The following NOX4 variants were observed in gnomAD, a reference collection of about 807,000 sequenced individuals.
NOX4 encodes kidney oxidase-1.
A neutral mutation model predicts 87.6 loss-of-function variants in NOX4; 69 were observed. The observed-to-expected ratio is 0.79, with a 90% CI of 0.65 to 0.96. The LOEUF is 0.96. Among genes scored for constraint, NOX4 ranks in the 40% least tolerant of loss-of-function variants. The pLI is 0.00. For missense variants in NOX4, 680 were observed against 681.5 expected (o/e 1.00, Z 0.02); for synonymous variants, 275 against 238.2 (o/e 1.15, Z -1.42).
rs753538616 is a variant in NOX4 at position 89,402,411 on chromosome 11, C to G, written c.761G>C (p.Gly254Ala). The change falls in exon 9 of 18, where the codon GGA (glycine) becomes GCA (alanine). Residue 254 changes from glycine to alanine, a missense_variant. Gly to Ala is a moderately conservative substitution (Grantham distance 60). Transcript: ENST00000263317. ...GGTAAACTCTGCCGGTTTTGAAAAT[C>G]CTTCAGGGAAAGGTTCATGAAAATG... ...SEHFHEPFPEGFSKPAEFTQH... is the reference protein window; with the variant it reads ...SEHFHEPFPEAFSKPAEFTQH... 1 of 1,613,082 alleles carries G rather than the reference C, an allele frequency of 6.2e-7. No homozygotes were observed. The highest frequency in any genetic ancestry group is 1.7e-5 in the Admixed American group (1 of 59,870).
At chr11:89,494,121 TG>T (rs1447701905), upstream of NOX4, among the ~76,000 whole-genome samples, 1 of 152,118 alleles carries the variant, frequency 6.6e-6, no homozygotes, top group African/African-American at 2.4e-5. Context: ...TTGAAAGTAA[TG>T]GGGAGAGAGT....
rs189125225 is a variant in NOX4 at position 89,383,644 on chromosome 11, G to A, written c.1075-10152C>T. On this transcript the variant is annotated intron_variant, in intron 11 of 17. Coordinates refer to ENST00000263317, the MANE Select transcript of NOX4 (RefSeq NM_016931.5). The stretch of plus-strand genomic sequence containing the variant: ...TTGTGGGTATTGACAGCCAGGCTTC[G>A]AAACCTCTTAAAACTCCCCAACTCT... Among the ~76,000 whole-genome samples, 97 of 152,186 alleles carry A rather than the reference G, an allele frequency of 6.4e-4. 1 individual carries two copies. Among genetic ancestry groups the A allele is most frequent in the Middle Eastern group, 3.4e-3 (1 of 294 alleles).
intron 12 of NOX4, among the ~76,000 whole-genome samples, chr11:89,369,238 T>A (rs1294777677): frequency 6.6e-6 from 1 of 151,882 alleles, no homozygotes; most frequent in Non-Finnish European, 1.5e-5. Flanking sequence ...GAAGCCAAAT[T>A]GAGGATGGTG....
chr11:89,505,652 T>C, the NOX4 span, among the ~76,000 whole-genome samples: 1 of 151,754 alleles, frequency 6.6e-6, no homozygotes, highest in South Asian at 2.1e-4. Context: ...TCTTGTGGTA[T>C]TTGATGGGAG....
chr11:89,512,423 A>C, the NOX4 span, among the ~76,000 whole-genome samples: 1 of 151,764 alleles, frequency 6.6e-6, no homozygotes, highest in Admixed American at 6.6e-5. Context: ...CCAACTCCCC[A>C]TTTCCCCTCC....
chr11:89,402,682 T>C (rs1439701338), intron 8 of NOX4, 140 bp from the exon 9 acceptor site: 45 of 698,618 alleles, frequency 6.4e-5, no homozygotes, highest in Non-Finnish European at 1.1e-4. Context: ...GTTCCTTATG[T>C]ATTATGTTTA....
intron 3 of NOX4, among the ~76,000 whole-genome samples, chr11:89,450,942 T>G (rs933613947): frequency 6.6e-6 from 1 of 151,072 alleles, no homozygotes; most frequent in Non-Finnish European, 1.5e-5. Context: ...AAACCATCAT[T>G]CTTAGCAAAC....
At chr11:89,582,239 G>T in the NOX4 span, among the ~76,000 whole-genome samples, 7 of 151,904 alleles carry the variant, frequency 4.6e-5, no homozygotes, top group African/African-American at 1.7e-4. Flanking sequence ...ATATATACAT[G>T]TAAACACACA....
intron 11 of NOX4, among the ~76,000 whole-genome samples, chr11:89,388,478 T>C (rs1940878279): frequency 6.6e-6 from 1 of 152,190 alleles, no homozygotes; most frequent in Admixed American, 6.5e-5. Context: ...TAAGCTATCA[T>C]TTCATCTGCA....
chr11:89,489,654 G>T (rs1341602038), intron 2 of NOX4, among the ~76,000 whole-genome samples: 1 of 149,908 alleles, frequency 6.7e-6, no homozygotes, highest in Non-Finnish European at 1.5e-5. Flanking sequence ...CTTGAACCAG[G>T]CAATCAGAGG....
chr11:89,434,379 C>A (rs1468000638), intron 6 of NOX4, among the ~76,000 whole-genome samples: 1 of 152,042 alleles, frequency 6.6e-6, no homozygotes, highest in Non-Finnish European at 1.5e-5. Flanking sequence ...AGGTGCCCTT[C>A]CCTAATGTAC....
intron 10 of NOX4, 60 bp from the exon 11 acceptor site, chr11:89,400,139 T>C: frequency 1.0e-5 from 16 of 1,570,678 alleles, no homozygotes; most frequent in Non-Finnish European, 1.2e-5. Flanking sequence ...ACTATTTCAA[T>C]GATGCTATGT....
intron 5 of NOX4, chr11:89,443,904 T>C (rs75552336): frequency 2.2e-6 from 1 of 461,180 alleles, no homozygotes. Flanking sequence ...CATCTGAACA[T>C]TGCAATATAA....
chr11:89,484,727 AG>A (rs1838884597), intron 2 of NOX4, among the ~76,000 whole-genome samples: 1 of 152,204 alleles, frequency 6.6e-6, no homozygotes, highest in African/African-American at 2.4e-5. Context: ...AAATAGATAA[AG>A]AATATAATTT....
At chr11:89,533,776 C>T in the NOX4 span, 1 of 152,160 alleles carries the variant, frequency 6.6e-6, no homozygotes, top group African/African-American at 2.4e-5. Context: ...CAGACCTCTG[C>T]CTATTGTTTT....
At chr11:89,461,973 T>C (rs1945489692) in intron 2 of NOX4, among the ~76,000 whole-genome samples, 1 of 151,866 alleles carries the variant, frequency 6.6e-6, no homozygotes, top group Non-Finnish European at 1.5e-5. Flanking sequence ...TAAACTTTTG[T>C]TTTATTCTGC....
chr11:89,488,929 G>T, intron 2 of NOX4: 1 of 684,430 alleles, frequency 1.5e-6, no homozygotes, highest in Admixed American at 2.1e-5. Flanking sequence ...TAAGCAACTT[G>T]AGGGGCGAGG....
At chr11:89,583,558 G>A in the NOX4 span, among the ~76,000 whole-genome samples, 1 of 151,482 alleles carries the variant, frequency 6.6e-6, no homozygotes, top group Admixed American at 6.6e-5. Context: ...CTGTCAGCCT[G>A]GTTACTATCA....
intron 6 of NOX4, among the ~76,000 whole-genome samples, chr11:89,438,083 A>G (rs1479878462): frequency 6.6e-6 from 1 of 151,030 alleles, no homozygotes. Flanking sequence ...AATTTGTATT[A>G]AGTGTCTTCT....
Sources: allele counts gnomAD v4.1 joint callset (sites outside exome capture counted in the v4.1 genomes callset), GRCh38; gene constraint gnomAD v4.1.1; transcripts MANE v1.5; gene names NCBI Gene and HGNC (gene_info 2026-07-23, HGNC 2026-07-21).